IL1RAPL1: variants seen among roughly 807,000 people sequenced by gnomAD.
The protein encoded by IL1RAPL1 is interleukin 1 receptor accessory protein like 1.
Under a neutral mutation model 48.4 loss-of-function variants are expected in IL1RAPL1, and 3 were observed. That is an observed-to-expected ratio of 0.06 (90% CI 0.03 to 0.16). The LOEUF (loss-of-function observed/expected upper bound fraction) is 0.16, where lower values mean the gene tolerates loss of function less well. Among genes scored for constraint, IL1RAPL1 ranks in the 10% least tolerant of loss-of-function variants. IL1RAPL1 has a pLI of 1.00. For synonymous variants in IL1RAPL1, 185 were observed against 187.7 expected (o/e 0.99, Z 0.12); for missense variants, 349 against 530.6 (o/e 0.66, Z 3.36).
chrX:29,552,802 C>CCTTTTTTTTTTTTTTTTTT (rs766024975), intron 5 of IL1RAPL1, among the ~76,000 whole-genome samples: 1 of 22,988 alleles, frequency 4.4e-5, no homozygotes, highest in Non-Finnish European at 7.5e-5. Context: ...TTTCACTCTC[C>CCTTTTTTTTTTTTTTTTTT]TTTTTTTTTT....
intron 5 of IL1RAPL1, among the ~76,000 whole-genome samples, chrX:29,452,802 A>C (rs1934694639): frequency 9.0e-6 from 1 of 111,250 alleles, no homozygotes; most frequent in East Asian, 2.8e-4. Context: ...AGTACGATTA[A>C]ATTAAGTGGA....
At chrX:29,491,562 A>G (rs1487487441) in intron 5 of IL1RAPL1, among the ~76,000 whole-genome samples, 1 of 112,373 alleles carries the variant, frequency 8.9e-6, no homozygotes. Context: ...TTTGCCTACA[A>G]TTACACAGGT....
intron 5 of IL1RAPL1, among the ~76,000 whole-genome samples, chrX:29,426,422 G>T (rs991373040): frequency 9.0e-6 from 1 of 111,308 alleles, no homozygotes; most frequent in African/African-American, 3.3e-5. Context: ...CCAAGCAGTT[G>T]TACTTTAGGC....
chrX:29,301,477 C>T lies in IL1RAPL1; in HGVS notation c.362+18260C>T, dbSNP rs142511265. Among the ~76,000 whole-genome samples the T allele has an allele frequency of 3.4e-4, 38 of 111,890 alleles. No homozygotes were observed. In the East Asian group the frequency reaches 9.2e-3, roughly 27 times the overall value. ...TGATTTATTAGTAGTGTTTGATTATCGAATACCAGACTGTATATATTCACA... is the reference window on the plus strand; with the variant it reads ...TGATTTATTAGTAGTGTTTGATTATTGAATACCAGACTGTATATATTCACA... On this transcript the variant is annotated intron_variant, in intron 3 of 10. Coordinates refer to ENST00000378993, the MANE Select transcript of IL1RAPL1 (RefSeq NM_014271.4).
At chrX:29,741,935 G>GAAAAAAA (rs1182352727) in intron 6 of IL1RAPL1, among the ~76,000 whole-genome samples, 18 of 61,827 alleles carry the variant, frequency 2.9e-4, no homozygotes, top group East Asian at 5.6e-4. Context: ...AAAAAAAAAA[G>GAAAAAAA]AAAAAAAAAA....
chrX:29,368,774 C>T (rs888888056), intron 3 of IL1RAPL1, among the ~76,000 whole-genome samples: 10 of 108,221 alleles, frequency 9.2e-5, no homozygotes, highest in African/African-American at 3.4e-4. Context: ...AGAGAGAAAA[C>T]ATAAAGTAGG....
At chrX:28,798,872 A>G (rs1407193411) in intron 2 of IL1RAPL1, among the ~76,000 whole-genome samples, 1 of 112,061 alleles carries the variant, frequency 8.9e-6, no homozygotes, top group Admixed American at 9.4e-5. Context: ...GAGATGCGGA[A>G]GGAGAAAGAG....
chrX:29,356,705 G>A (rs1039456113), intron 3 of IL1RAPL1, among the ~76,000 whole-genome samples: 3 of 110,662 alleles, frequency 2.7e-5, no homozygotes, highest in African/African-American at 9.9e-5. Context: ...CTATACGACC[G>A]CAAATAATGC....
chrX:29,399,331 C>T, intron 5 of IL1RAPL1, 23 bp downstream of exon 5: 2 of 1,157,235 alleles, frequency 1.7e-6, no homozygotes, highest in Non-Finnish European at 2.4e-6. Context: ...TTCAATATTT[C>T]ACTTGCAAGT....
intron 1 of IL1RAPL1, among the ~76,000 whole-genome samples, chrX:28,676,371 G>A (rs1224873574): frequency 8.9e-6 from 1 of 111,835 alleles, no homozygotes; most frequent in East Asian, 2.8e-4. Context: ...AAAAGGAGAG[G>A]TTTAAAAGTT....
chrX:28,602,104 C>CAAAAAAA (rs1168499677), intron 1 of IL1RAPL1, among the ~76,000 whole-genome samples: 1 of 38,238 alleles, frequency 2.6e-5, no homozygotes, highest in Non-Finnish European at 5.0e-5. Flanking sequence ...GACTCCATCT[C>CAAAAAAA]AAAAAAAAAA....
intron 2 of IL1RAPL1, among the ~76,000 whole-genome samples, chrX:29,192,115 G>C (rs1203649495): frequency 9.0e-6 from 1 of 111,374 alleles, no homozygotes; most frequent in East Asian, 2.8e-4. Flanking sequence ...TCAGAGTGAA[G>C]GGGAAAGTAT....
At chrX:29,749,883 T>C (rs376958064) in intron 6 of IL1RAPL1, among the ~76,000 whole-genome samples, 53 of 112,160 alleles carry the variant, frequency 4.7e-4, no homozygotes, top group African/African-American at 1.7e-3. Context: ...TGGAATCTTC[T>C]AATCTCCAAA....
intron 6 of IL1RAPL1, among the ~76,000 whole-genome samples, chrX:29,749,818 G>A (rs750825042): frequency 1.6e-4 from 18 of 112,278 alleles, no homozygotes; most frequent in African/African-American, 5.5e-4. Context: ...CCAGTCTCTT[G>A]GAAGCTATTC....
chrX:28,981,913 C>G (rs1925351520), intron 2 of IL1RAPL1, among the ~76,000 whole-genome samples: 1 of 111,533 alleles, frequency 9.0e-6, no homozygotes, highest in Non-Finnish European at 1.9e-5. Context: ...CTGTTCATAC[C>G]CCCTCTCCCA....
chrX:29,240,212 A>T (rs1210743894), intron 2 of IL1RAPL1, among the ~76,000 whole-genome samples: 1 of 48,397 alleles, frequency 2.1e-5, no homozygotes, highest in Admixed American at 3.2e-4. Context: ...ATATATATAT[A>T]TATATATATA....
intron 1 of IL1RAPL1, among the ~76,000 whole-genome samples, chrX:28,605,835 T>G (rs923124122): frequency 9.0e-6 from 1 of 111,644 alleles, no homozygotes; most frequent in Non-Finnish European, 1.9e-5. Context: ...TCTTTGAAGG[T>G]GACAGGTAAG....
chrX:29,229,179 C>T (rs977377731), intron 2 of IL1RAPL1, among the ~76,000 whole-genome samples: 4 of 111,649 alleles, frequency 3.6e-5, no homozygotes, highest in Admixed American at 9.6e-5. Flanking sequence ...AGTTAGCCTA[C>T]TGTTTCATTG....
At chrX:28,662,290 A>G (rs1189275423) in intron 1 of IL1RAPL1, among the ~76,000 whole-genome samples, 1 of 111,477 alleles carries the variant, frequency 9.0e-6, no homozygotes, top group Non-Finnish European at 1.9e-5. Context: ...GAAGGTTTCA[A>G]GCAGGAGGCT....
Sources: allele counts gnomAD v4.1 joint callset (sites outside exome capture counted in the v4.1 genomes callset), GRCh38; gene constraint gnomAD v4.1.1; transcripts MANE v1.5; gene names NCBI Gene and HGNC (gene_info 2026-07-23, HGNC 2026-07-21).